CNTN5: variants seen among roughly 807,000 people sequenced by gnomAD.
The protein encoded by CNTN5 is contactin 5, also known as contactin-5.
A neutral mutation model predicts 129.1 loss-of-function variants in CNTN5; 77 were observed. That is an observed-to-expected ratio of 0.60 (90% confidence interval 0.50 to 0.72). CNTN5 has a LOEUF of 0.72. CNTN5 is among the 30% of genes least tolerant of loss of function. CNTN5 has a pLI of 0.00. For missense variants in CNTN5, 1,478 were observed against 1,328.8 expected (o/e 1.11, Z -1.75); for synonymous variants, 509 against 465.6 (o/e 1.09, Z -1.20).
chr11:99,037,347 G>A (rs1863787058), intron 1 of CNTN5, among the ~76,000 whole-genome samples: 1 of 152,028 alleles, frequency 6.6e-6, no homozygotes, highest in Admixed American at 6.6e-5. Flanking sequence ...CGTTTCTACT[G>A]CTTAAAGAAT....
rs1481798072 is a variant in CNTN5 at position 100,357,691 on chromosome 11, TA to T, written c.*1473del. 9.2e-5 allele frequency: 14 copies of T among 151,466 alleles called. 1 individual carries two copies. Among genetic ancestry groups the T allele is most frequent in the Admixed American group, 2.0e-4 (3 of 15,182 alleles). The allele number at this position is 151,466 out of a possible 1,614,324, so 9.4% of individuals were successfully genotyped here. Reference sequence around the variant, plus strand: ...ATAATTTTATATAATTTAAACTTGTTAACTGTATTTGCTTCATTAATAACAA... The same window carrying T: ...ATAATTTTATATAATTTAAACTTGTTACTGTATTTGCTTCATTAATAACAA... On this transcript the variant is annotated 3_prime_UTR_variant, in exon 25 of 25. Transcript: ENST00000524871.
intron 3 of CNTN5, among the ~76,000 whole-genome samples, chr11:99,720,070 T>A (rs1479650894): frequency 6.6e-6 from 1 of 152,080 alleles, no homozygotes; most frequent in African/African-American, 2.4e-5. Context: ...CCCTGGGACC[T>A]GATGAGTTCA....
At chr11:99,638,142 C>T (rs574741881) in intron 3 of CNTN5, among the ~76,000 whole-genome samples, 26 of 152,134 alleles carry the variant, frequency 1.7e-4, no homozygotes, top group African/African-American at 5.3e-4. Context: ...AGAATCTTGG[C>T]GGGAGGTGAA....
At chr11:99,300,890 A>C (rs1198956795) in intron 1 of CNTN5, among the ~76,000 whole-genome samples, 1 of 151,984 alleles carries the variant, frequency 6.6e-6, no homozygotes, top group Non-Finnish European at 1.5e-5. Context: ...CAAAAAGACA[A>C]TTTCATAAAA....
At chr11:99,163,871 A>G (rs1203637600) in intron 1 of CNTN5, among the ~76,000 whole-genome samples, 1 of 152,172 alleles carries the variant, frequency 6.6e-6, no homozygotes. Context: ...TTGTTATGAC[A>G]TCTCTTATTT....
At chr11:99,244,123 T>C (rs543597639) in intron 1 of CNTN5, among the ~76,000 whole-genome samples, 2 of 152,330 alleles carry the variant, frequency 1.3e-5, no homozygotes, top group African/African-American at 4.8e-5. Context: ...CATTTGTTTG[T>C]GTCACCTATT....
Position 99,922,827 on chromosome 11 carries a change from G to A in CNTN5, c.673+6678G>A, listed in dbSNP as rs560593168. Among the ~76,000 whole-genome samples, 153 of 152,216 alleles carry A rather than the reference G, an allele frequency of 1.0e-3. 5 individuals carry two copies. In the South Asian group the frequency reaches 0.028, roughly 28 times the overall value. On this transcript the variant is annotated intron_variant, in intron 7 of 24. Transcript: ENST00000524871. ...GATCCTTACTAGGTGTTCATTAAAC[G>A]CATGTTAAATAACTGAGTGAAATGC...
chr11:99,803,692 G>T (rs1591213842), intron 3 of CNTN5, among the ~76,000 whole-genome samples: 1 of 152,190 alleles, frequency 6.6e-6, no homozygotes, highest in African/African-American at 2.4e-5. Context: ...GAGAAACAAA[G>T]TGCCCTCCCT....
intron 3 of CNTN5, among the ~76,000 whole-genome samples, chr11:99,716,687 G>T (rs1383924125): frequency 1.3e-5 from 2 of 151,976 alleles, no homozygotes; most frequent in Non-Finnish European, 2.9e-5. Context: ...ATTGCAACCA[G>T]CTTTTGTATG....
chr11:100,322,002 G>T (rs498450), intron 21 of CNTN5, among the ~76,000 whole-genome samples: 8,543 of 152,030 alleles, frequency 0.056, 332 homozygotes, highest in East Asian at 0.23. Flanking sequence ...AGATATTTTT[G>T]TGTGTGTGTG....
rs186760244 is a variant in CNTN5, at chr11:99,021,132, G to A, written c.-348G>A. On this transcript the variant is annotated 5_prime_UTR_variant, in exon 1 of 25. Transcript: ENST00000524871. ...TGGAGGATTCCCTCTGAATGATTAAGAACTCCGCAATTCGCCTCTGCCACA... is the reference window on the plus strand; with the variant it reads ...TGGAGGATTCCCTCTGAATGATTAAAAACTCCGCAATTCGCCTCTGCCACA... 19 of 152,562 alleles carry A rather than the reference G, an allele frequency of 1.2e-4. No individual in the cohort carries two copies. The East Asian group carries it at 3.7e-3, about 30-fold the overall frequency. 9.5% of individuals were successfully genotyped at this position (152,562 alleles called of 1,614,324 possible). A position where few individuals can be genotyped will look rare whatever the true frequency, so the allele number is the denominator to read the frequency against.
chr11:99,630,230 A>C (rs117213682), intron 3 of CNTN5, among the ~76,000 whole-genome samples: 5 of 145,912 alleles, frequency 3.4e-5, no homozygotes, highest in Non-Finnish European at 6.0e-5. Context: ...TTGCTTATGG[A>C]TGTGTGTGTG....
intron 9 of CNTN5, among the ~76,000 whole-genome samples, chr11:100,034,487 C>T (rs923012901): frequency 9.2e-5 from 14 of 152,216 alleles, no homozygotes; most frequent in Non-Finnish European, 1.9e-4. Context: ...TACATGATTT[C>T]TTCCTCAGCC....
At chr11:99,597,062 T>C (rs2135687207) in intron 3 of CNTN5, among the ~76,000 whole-genome samples, 1 of 152,312 alleles carries the variant, frequency 6.6e-6, no homozygotes, top group Admixed American at 6.5e-5. Context: ...GTATTCATTT[T>C]CAGATCTCAA....
chr11:100,218,065 A>G (rs1949181603), intron 15 of CNTN5, among the ~76,000 whole-genome samples: 1 of 152,220 alleles, frequency 6.6e-6, no homozygotes, highest in Non-Finnish European at 1.5e-5. Flanking sequence ...TTAACAAACC[A>G]GTATAAAGTG....
chr11:99,397,572 C>A (rs1254284769), intron 2 of CNTN5, among the ~76,000 whole-genome samples: 1 of 151,652 alleles, frequency 6.6e-6, no homozygotes, highest in Non-Finnish European at 1.5e-5. Flanking sequence ...TCATTTTAAG[C>A]TTTTGATTAT....
intron 8 of CNTN5, among the ~76,000 whole-genome samples, chr11:99,989,815 G>C (rs1219951659): frequency 6.6e-6 from 1 of 152,044 alleles, no homozygotes; most frequent in Non-Finnish European, 1.5e-5. Context: ...GCCAAGGCTG[G>C]AGTACAGTGG....
chr11:100,038,855 T>C (rs1301088330), intron 9 of CNTN5, among the ~76,000 whole-genome samples: 1 of 152,178 alleles, frequency 6.6e-6, no homozygotes, highest in African/African-American at 2.4e-5. Flanking sequence ...TTTGAGCCTG[T>C]GTATGTGTCT....
intron 9 of CNTN5, among the ~76,000 whole-genome samples, chr11:100,011,905 A>G (rs1181589177): frequency 6.6e-6 from 1 of 152,104 alleles, no homozygotes. Flanking sequence ...GAGACTTCCT[A>G]CAGTGTGCAA....
Sources: gnomAD v4.1 joint callset for allele counts (sites outside exome capture counted in the v4.1 genomes callset) on GRCh38, gnomAD v4.1.1 for gene constraint, MANE v1.5 for transcripts, NCBI Gene and HGNC (gene_info 2026-07-23, HGNC 2026-07-21) for gene names.